The following PDSS2 variants were observed in gnomAD, a reference collection of about 807,000 sequenced individuals.
PDSS2 encodes decaprenyl diphosphate synthase subunit 2.
In PDSS2, 31 loss-of-function variants were observed where a neutral mutation model predicts 44.5. That is an observed-to-expected ratio of 0.70 (90% CI 0.52 to 0.94). PDSS2 has a LOEUF of 0.94. PDSS2 is among the 40% of genes least tolerant of loss of function. The pLI, the probability that PDSS2 is intolerant of heterozygous loss-of-function variation, is 0.00. For missense variants in PDSS2, 452 were observed against 482.2 expected, an observed-to-expected ratio of 0.94 and a Z score of 0.59; for synonymous variants, 157 against 180.3, an observed-to-expected ratio of 0.87 and a Z score of 1.03.
intron 3 of PDSS2, 77 bp downstream of exon 3, chr6:107,273,952 A>C: frequency 9.0e-7 from 1 of 1,116,086 alleles, no homozygotes; most frequent in Non-Finnish European, 1.4e-6. Flanking sequence ...AGCCGGGCAC[A>C]CAGACCTGCA....
intron 1 of PDSS2, among the ~76,000 whole-genome samples, chr6:107,434,858 T>C (rs1781299628): frequency 6.6e-6 from 1 of 152,164 alleles, no homozygotes; most frequent in Non-Finnish European, 1.5e-5. Flanking sequence ...TACCTCCATA[T>C]ATATACGTGT....
intron 1 of PDSS2, among the ~76,000 whole-genome samples, chr6:107,449,463 T>G (rs1781795420): frequency 6.6e-6 from 1 of 152,208 alleles, no homozygotes; most frequent in Non-Finnish European, 1.5e-5. Flanking sequence ...TTCCAGTCCC[T>G]GGAGACCACC....
chr6:107,431,802 G>C (rs150308007), intron 1 of PDSS2, among the ~76,000 whole-genome samples: 12 of 152,260 alleles, frequency 7.9e-5, no homozygotes, highest in Admixed American at 3.9e-4. Flanking sequence ...TTTACAATCT[G>C]TTGTCTCATG....
intron 1 of PDSS2, among the ~76,000 whole-genome samples, chr6:107,417,182 T>C (rs1459680333): frequency 6.6e-6 from 1 of 152,176 alleles, no homozygotes; most frequent in African/African-American, 2.4e-5. Flanking sequence ...ACAAGACATA[T>C]GTAAACAAGA....
chr6:107,224,953 C>T (rs1773736322), intron 4 of PDSS2, among the ~76,000 whole-genome samples: 1 of 149,624 alleles, frequency 6.7e-6, no homozygotes, highest in African/African-American at 2.5e-5. Context: ...GCCACGGCTA[C>T]AGTCATATGA....
intron 4 of PDSS2, among the ~76,000 whole-genome samples, chr6:107,235,171 G>T (rs183483468): frequency 1.3e-5 from 2 of 152,308 alleles, no homozygotes; most frequent in Non-Finnish European, 2.9e-5. Context: ...TAGAGAAGCC[G>T]AAGGGGTTAA....
chr6:107,212,080 T>C (rs1562378868), intron 5 of PDSS2, 29 bp downstream of exon 5: 1 of 1,593,964 alleles, frequency 6.3e-7, no homozygotes, highest in Non-Finnish European at 8.6e-7. Flanking sequence ...ATTTAAGTAC[T>C]GAAAAAAGAT....
At chr6:107,370,348 A>G (rs1443525060) in intron 1 of PDSS2, among the ~76,000 whole-genome samples, 2 of 152,214 alleles carry the variant, frequency 1.3e-5, no homozygotes, top group Non-Finnish European at 2.9e-5. Context: ...TCATTGAATC[A>G]TTTACGCAAG....
At chr6:107,172,896 C>A (rs1771634247) in intron 7 of PDSS2, among the ~76,000 whole-genome samples, 1 of 151,568 alleles carries the variant, frequency 6.6e-6, no homozygotes, top group South Asian at 2.1e-4. Flanking sequence ...GAGGCCGAGG[C>A]AGGCAGATCA....
chr6:107,347,347 G>A (rs1201016551), intron 1 of PDSS2, among the ~76,000 whole-genome samples: 2 of 146,780 alleles, frequency 1.4e-5, no homozygotes, highest in African/African-American at 2.5e-5. Flanking sequence ...TCCACATCCC[G>A]GGTTCAAGCG....
rs546037170 is a variant in PDSS2, at chr6:107,270,087, T to C, written c.630+3942A>G. On this transcript the variant is annotated intron_variant, in intron 3 of 7. Transcript: ENST00000369037. ...ACAGACAACAAAGAGAAAAGGCACA[T>C]ACTGCTCTGCTGAAGTGTATTATTA... Among the ~76,000 whole-genome samples the C allele has an allele frequency of 5.3e-5, 8 of 152,244 alleles. No individual in the cohort carries two copies. The East Asian group carries it at 1.2e-3, about 22-fold the overall frequency.
At chr6:107,297,193 C>T (rs1776536118) in intron 2 of PDSS2, among the ~76,000 whole-genome samples, 1 of 152,142 alleles carries the variant, frequency 6.6e-6, no homozygotes, top group Admixed American at 6.5e-5. Flanking sequence ...CAGTGTTTCC[C>T]AGAAAGGCTT....
At chr6:107,184,714 C>G (rs186562720) in intron 7 of PDSS2, among the ~76,000 whole-genome samples, 26 of 152,318 alleles carry the variant, frequency 1.7e-4, no homozygotes, top group Admixed American at 3.3e-4. Flanking sequence ...CAGAACGTGA[C>G]ACTCTGGAAC....
chr6:107,382,276 AACCACC>A (rs1256450723), intron 1 of PDSS2, among the ~76,000 whole-genome samples: 2 of 151,966 alleles, frequency 1.3e-5, no homozygotes, highest in South Asian at 4.1e-4. Context: ...TTTGGCCGTG[AACCACC>A]ACCACCACCA....
At chr6:107,211,734 CA>C (rs772288348) in intron 5 of PDSS2, among the ~76,000 whole-genome samples, 6,015 of 76,876 alleles carry the variant, frequency 0.078, 197 homozygotes, top group East Asian at 0.28. Context: ...GACTCCATCT[CA>C]AAAAAAAAAA....
At chr6:107,281,311 T>C (rs1247283630) in intron 2 of PDSS2, among the ~76,000 whole-genome samples, 4 of 152,162 alleles carry the variant, frequency 2.6e-5, no homozygotes. Flanking sequence ...CTCTGATGTG[T>C]CCACCTCTAG....
At chr6:107,229,819 G>GTT (rs1421447156) in intron 4 of PDSS2, 1 of 153,868 alleles carries the variant, frequency 6.5e-6, no homozygotes, top group Non-Finnish European at 1.4e-5. Context: ...TACTTCAGTG[G>GTT]AAATACAACA....
At chr6:107,344,567 C>T (rs1389232933) in intron 1 of PDSS2, among the ~76,000 whole-genome samples, 2 of 152,092 alleles carry the variant, frequency 1.3e-5, no homozygotes, top group African/African-American at 4.8e-5. Flanking sequence ...CAAGAACTGC[C>T]TCACCAAAGC....
At chr6:107,231,427 G>A (rs12191180) in intron 4 of PDSS2, among the ~76,000 whole-genome samples, 8,478 of 152,110 alleles carry the variant, frequency 0.056, 486 homozygotes, top group African/African-American at 0.15. Flanking sequence ...GAACTCCTGC[G>A]CCCTTGCCCT....
Sources: allele counts gnomAD v4.1 joint callset (sites outside exome capture counted in the v4.1 genomes callset), GRCh38; gene constraint gnomAD v4.1.1; transcripts MANE v1.5; gene names NCBI Gene and HGNC (gene_info 2026-07-23, HGNC 2026-07-21).